The following PCDHGA8 variants were observed in gnomAD, a reference collection of about 807,000 sequenced individuals.
The protein encoded by PCDHGA8 is protocadherin gamma subfamily A, 8, also known as protocadherin gamma-A8.
In PCDHGA8, 45 loss-of-function variants were observed where a neutral mutation model predicts 59.2. The ratio of observed to expected loss-of-function variants is 0.76; its 90% CI spans 0.60 to 0.98. The LOEUF (loss-of-function observed/expected upper bound fraction) is 0.98. Among genes scored for constraint, PCDHGA8 ranks in the 50% least tolerant of loss-of-function variants. The pLI is 0.00. For synonymous variants in PCDHGA8, 531 were observed against 519.0 expected (o/e 1.02, Z -0.32); for missense variants, 1,257 against 1,196.2 (o/e 1.05, Z -0.75).
At chr5:141,414,633 A>C (rs1368963927) in intron 1 of PCDHGA8, 1 of 1,613,988 alleles carries the variant, frequency 6.2e-7, no homozygotes, top group South Asian at 1.1e-5. Context: ...CGGACAGCAA[A>C]GAGAATGCCC....
chr5:141,429,426 G>C (rs992784469), intron 1 of PCDHGA8, among the ~76,000 whole-genome samples: 3 of 151,724 alleles, frequency 2.0e-5, no homozygotes, highest in African/African-American at 4.8e-5. Context: ...TGTTGCCCAG[G>C]CTGGACTCAA....
rs758139838 is a variant in PCDHGA8, at chr5:141,431,419, G to C, written c.2424+36182G>C. The C allele has an allele frequency of 1.5e-5, 25 of 1,613,700 alleles. No individual in the cohort carries two copies. The highest frequency in any genetic ancestry group is 2.0e-5 in the Non-Finnish European group (24 of 1,180,046). On this transcript the variant is annotated intron_variant, in intron 1 of 3. Coordinates refer to ENST00000398604, the MANE Select transcript of PCDHGA8 (RefSeq NM_032088.2). This position sits in a 1 kb window ranked among gnomAD's most constrained non-coding sequence, Gnocchi z 4.8. ...TTACGGCCTCCGACGGGGGCGACCC[G>C]GTGCGCACAGGCACCGCGCGCATCC... is the stretch of plus-strand genomic sequence containing the variant.
intron 1 of PCDHGA8, among the ~76,000 whole-genome samples, chr5:141,451,571 A>G (rs2098719323): frequency 6.6e-6 from 1 of 152,188 alleles, no homozygotes; most frequent in Non-Finnish European, 1.5e-5. Context: ...CAATCTTTTT[A>G]TAAACCTAAT....
chr5:141,419,741 A>C (rs769795920), intron 1 of PCDHGA8: 2 of 1,613,856 alleles, frequency 1.2e-6, no homozygotes, highest in Admixed American at 1.7e-5. Context: ...CGAGGTGCGC[A>C]TGGTGCGTGC....
Position 141,431,423 on chromosome 5 carries a change from C to A in PCDHGA8, c.2424+36186C>A, listed in dbSNP as rs868299769. 20 of 1,613,552 alleles carry A rather than the reference C, an allele frequency of 1.2e-5. No individual in the cohort carries two copies. In the Admixed American group the frequency reaches 2.2e-4, roughly 17 times the overall value. ...GGCCTCCGACGGGGGCGACCCGGTG[C>A]GCACAGGCACCGCGCGCATCCGCGT... On this transcript the variant is annotated intron_variant, in intron 1 of 3. Coordinates refer to ENST00000398604, the MANE Select transcript of PCDHGA8 (RefSeq NM_032088.2). The surrounding 1 kb of genome is among the most constrained non-coding windows in gnomAD (Gnocchi z 4.8).
chr5:141,465,366 A>G (rs2099102089), intron 1 of PCDHGA8, among the ~76,000 whole-genome samples: 1 of 152,154 alleles, frequency 6.6e-6, no homozygotes, highest in Non-Finnish European at 1.5e-5. Flanking sequence ...GGTGCCCTTT[A>G]AAGTTGTAAG....
At position 141,432,851 on chromosome 5, in the gene PCDHGA8, G is replaced by T. The variant is rs561153330; in HGVS notation, c.2424+37614G>T. 8 of 1,614,198 alleles carry T rather than the reference G, an allele frequency of 5.0e-6. No homozygotes were observed. In the African/African-American group the frequency reaches 9.3e-5, roughly 19 times the overall value. ...CACTCTGTACCTGGTGGTAGCGGTG[G>T]CCGCGGTCTCCTGCGTCTTCCTGGC... On this transcript the variant is annotated intron_variant, in intron 1 of 3. Transcript: ENST00000398604. This position sits in a 1 kb window ranked among gnomAD's most constrained non-coding sequence, Gnocchi z 6.0.
At chr5:141,448,488 C>A (rs568050769) in intron 1 of PCDHGA8, among the ~76,000 whole-genome samples, 1 of 152,280 alleles carries the variant, frequency 6.6e-6, no homozygotes, top group African/African-American at 2.4e-5. Context: ...TTCCTCCTGT[C>A]CCCTGTAGGT....
At chr5:141,441,127 G>A (rs1224106490) in intron 1 of PCDHGA8, 2 of 152,138 alleles carry the variant, frequency 1.3e-5, no homozygotes, top group African/African-American at 2.4e-5. Context: ...AGTTGAGACC[G>A]AATTTCTAGA....
intron 1 of PCDHGA8, among the ~76,000 whole-genome samples, chr5:141,447,047 T>C (rs529082157): frequency 1.3e-5 from 2 of 152,342 alleles, no homozygotes; most frequent in African/African-American, 4.8e-5. Flanking sequence ...TCTGGAATTC[T>C]ATTAAAATGT....
chr5:141,462,623 T>C (rs992165332), intron 1 of PCDHGA8, among the ~76,000 whole-genome samples: 3 of 150,992 alleles, frequency 2.0e-5, no homozygotes, highest in Non-Finnish European at 4.4e-5. Context: ...CTTTTAGAAG[T>C]TCCATTTGAC....
chr5:141,418,095 C>T, intron 1 of PCDHGA8: 1 of 1,614,006 alleles, frequency 6.2e-7, no homozygotes, highest in Non-Finnish European at 8.5e-7. Context: ...AGCGTAGACG[C>T]GCAGAGCGGG....
At chr5:141,505,123 C>T (rs1320836386) in intron 2 of PCDHGA8, among the ~76,000 whole-genome samples, 1 of 152,192 alleles carries the variant, frequency 6.6e-6, no homozygotes, top group African/African-American at 2.4e-5. Flanking sequence ...GATCGCGCCA[C>T]TGCACTCCAG....
chr5:141,414,351 G>A (rs771256149), intron 1 of PCDHGA8: 16 of 1,613,676 alleles, frequency 9.9e-6, no homozygotes, highest in South Asian at 6.6e-5. Flanking sequence ...CCATTTTGGC[G>A]TATCTACCAT....
At position 141,485,386 on chromosome 5, in the gene PCDHGA8, C is replaced by A. The variant is rs1044608807; in HGVS notation, c.2425-9421C>A. The stretch of plus-strand genomic sequence containing the variant: ...GGCTGCAGGTCGCTGGAGAGGTGAA[C>A]CAAAGACACTTCCGTGTGGATTTGG... On this transcript the variant is annotated intron_variant, in intron 1 of 3. Coordinates refer to ENST00000398604, the MANE Select transcript of PCDHGA8 (RefSeq NM_032088.2). This position sits in a 1 kb window ranked among gnomAD's most constrained non-coding sequence, Gnocchi z 5.7. 1.2e-6 allele frequency: 2 copies of A among 1,614,104 alleles called. No homozygotes were observed. The highest frequency in any genetic ancestry group is 8.5e-7 in the Non-Finnish European group (1 of 1,180,002).
intron 1 of PCDHGA8, chr5:141,400,515 T>A: frequency 6.2e-7 from 1 of 1,613,988 alleles, no homozygotes. Flanking sequence ...CGACTTCCCA[T>A]CCTGAGTTGG....
chr5:141,403,358 G>A (rs1031210052), intron 1 of PCDHGA8: 1 of 1,614,026 alleles, frequency 6.2e-7, no homozygotes. Flanking sequence ...GTTCCAGGCC[G>A]AAAGTCTGGA....
At chr5:141,471,079 C>T (rs1169560328) in intron 1 of PCDHGA8, among the ~76,000 whole-genome samples, 1 of 145,256 alleles carries the variant, frequency 6.9e-6, no homozygotes, top group African/African-American at 2.5e-5. Context: ...GACAGGGTCT[C>T]CCTCTGTTGT....
rs370286425 is a variant in PCDHGA8, at chr5:141,431,234, G to A, written c.2424+35997G>A. On this transcript the variant is annotated intron_variant, in intron 1 of 3. Coordinates refer to ENST00000398604, the MANE Select transcript of PCDHGA8 (RefSeq NM_032088.2). This position sits in a 1 kb window ranked among gnomAD's most constrained non-coding sequence, Gnocchi z 4.8. ...GCGGTTCCCTCTACCCCACGCCTGGGATCCGGATATCGGGAAGAACTCTCT... is the reference window on the plus strand; with the variant it reads ...GCGGTTCCCTCTACCCCACGCCTGGAATCCGGATATCGGGAAGAACTCTCT... 13 of 1,614,052 alleles carry A rather than the reference G, an allele frequency of 8.1e-6. No individual in the cohort carries two copies. The highest frequency in any genetic ancestry group is 2.7e-5 in the African/African-American group (2 of 74,940).
Sources: allele counts gnomAD v4.1 joint callset (sites outside exome capture counted in the v4.1 genomes callset), GRCh38; gene constraint gnomAD v4.1.1; non-coding constraint Gnocchi (gnomAD v3.1); transcripts MANE v1.5; gene names NCBI Gene and HGNC (gene_info 2026-07-23, HGNC 2026-07-21).